Variants in TMEM14C observed in about 807,000 individuals in gnomAD.
TMEM14C encodes the protein transmembrane protein 14C.
In TMEM14C, 13 loss-of-function variants were observed where a neutral mutation model predicts 14.8. The ratio of observed to expected loss-of-function variants is 0.88; its 90% CI spans 0.57 to 1.40. The LOEUF is 1.40. Ranked by LOEUF, TMEM14C falls within the 40% of genes most tolerant of loss-of-function variation. The pLI is 0.00. For missense variants in TMEM14C, 142 were observed against 138.8 expected (o/e 1.02, Z -0.12); for synonymous variants, 57 against 51.3 (o/e 1.11, Z -0.48).
chr6:10,724,570 G>C lies in TMEM14C; in HGVS notation c.-44G>C. 1 of 1,610,542 alleles carries C rather than the reference G, an allele frequency of 6.2e-7. No homozygotes were observed. The highest frequency in any genetic ancestry group is 8.5e-7 in the Non-Finnish European group (1 of 1,177,752). On this transcript the variant is annotated splice_region_variant and 5_prime_UTR_variant, in exon 2 of 6. Coordinates refer to ENST00000229563, the MANE Select transcript of TMEM14C (RefSeq NM_016462.4). Reference sequence around the variant, plus strand: ...CTCTGATCCAGCTTGTTTTCTGCAGGTGCAGGCCTGGGGTAGTCTCCTGTC... The same window carrying C: ...CTCTGATCCAGCTTGTTTTCTGCAGCTGCAGGCCTGGGGTAGTCTCCTGTC...
intron 1 of TMEM14C, among the ~76,000 whole-genome samples, chr6:10,724,066 G>A (rs1770776792): frequency 6.6e-6 from 1 of 152,120 alleles, no homozygotes; most frequent in Non-Finnish European, 1.5e-5. Context: ...TCCTACTACT[G>A]CCCTCCTAAC....
At chr6:10,725,648 G>A (rs1008576584) in intron 3 of TMEM14C, among the ~76,000 whole-genome samples, 1 of 152,150 alleles carries the variant, frequency 6.6e-6, no homozygotes, top group Non-Finnish European at 1.5e-5. Flanking sequence ...CATCTAAGGA[G>A]GGAAGATGGC....
Position 10,725,146 on chromosome 6 carries a change from G to A in TMEM14C, c.97+109G>A, listed in dbSNP as rs1365069624. 1.1e-5 allele frequency: 15 copies of A among 1,365,570 alleles called. 1 individual carries two copies. In the South Asian group the frequency reaches 1.2e-4, roughly 11 times the overall value. The allele number at this position is 1,365,570 out of a possible 1,614,324, so 84.6% of individuals were successfully genotyped here. Reference sequence around the variant, plus strand: ...CTCATTTGAGTCAGGTTTGCTGTGGGTCCCCAAGCTGGAGTGCAGGCTTCC... The same window carrying A: ...CTCATTTGAGTCAGGTTTGCTGTGGATCCCCAAGCTGGAGTGCAGGCTTCC... On this transcript the variant is annotated intron_variant, in intron 3 of 5. Transcript: ENST00000229563.
intron 4 of TMEM14C, among the ~76,000 whole-genome samples, chr6:10,726,650 C>T (rs1379442972): frequency 6.6e-6 from 1 of 152,166 alleles, no homozygotes; most frequent in Non-Finnish European, 1.5e-5. Context: ...GAGATCACAC[C>T]ACTGCACTCC....
At chr6:10,730,332 A>G (rs558890814) in intron 5 of TMEM14C, among the ~76,000 whole-genome samples, 58 of 152,200 alleles carry the variant, frequency 3.8e-4, no homozygotes, top group Non-Finnish European at 7.2e-4. Context: ...CATTAATCAG[A>G]TCTGTGATGG....
chr6:10,730,777 C>G lies in TMEM14C; in HGVS notation c.*111C>G. 7.2e-7 allele frequency: 1 copy of G among 1,397,630 alleles called. No homozygotes were observed. Among genetic ancestry groups the G allele is most frequent in the East Asian group, 2.6e-5 (1 of 38,862 alleles). 86.6% of individuals were successfully genotyped at this position (1,397,630 alleles called of 1,614,324 possible). ...AGCATTTTTGCATCTGACATTTTAC[C>G]TAAAAAAAAAGACACCAAACTTGGC... is the stretch of plus-strand genomic sequence containing the variant. On this transcript the variant is annotated 3_prime_UTR_variant, in exon 6 of 6. Transcript: ENST00000229563.
At chr6:10,730,225 A>G (rs1770987307) in intron 5 of TMEM14C, among the ~76,000 whole-genome samples, 1 of 152,222 alleles carries the variant, frequency 6.6e-6, no homozygotes, top group Non-Finnish European at 1.5e-5. Context: ...CTCTGATCAT[A>G]GTTGTGATGC....
rs1193198273 is a variant in TMEM14C at position 10,724,609 on chromosome 6, G to A, written c.-5G>A. ...TAGTCTCCTGTCTGGACAGAGAAGA[G>A]AAAAATGCAGGACACTGGCTCAGTG... On this transcript the variant is annotated 5_prime_UTR_variant, in exon 2 of 6. Transcript: ENST00000229563. The A allele has an allele frequency of 6.2e-7, 1 of 1,612,780 alleles. No homozygotes were observed. Among genetic ancestry groups the A allele is most frequent in the African/African-American group, 1.3e-5 (1 of 74,912 alleles).
chr6:10,726,153 T>TA, intron 4 of TMEM14C, 145 bp downstream of exon 4: 1 of 866,194 alleles, frequency 1.2e-6, no homozygotes, highest in Non-Finnish European at 1.8e-6. Flanking sequence ...CAGAAAGTTT[T>TA]AAAATGAGGG....
At chr6:10,728,846 T>G in intron 5 of TMEM14C, 119 bp downstream of exon 5, 3 of 1,554,008 alleles carry the variant, frequency 1.9e-6, no homozygotes, top group Non-Finnish European at 2.6e-6. Context: ...CAACTGACAT[T>G]TGATATATAC....
rs778623374 is a variant in TMEM14C at position 10,728,832 on chromosome 6, G to A, written c.287+105G>A. On this transcript the variant is annotated intron_variant, in intron 5 of 5. Transcript: ENST00000229563. ...CTTGTTTCAGGATATCTGATGCTAT[G>A]TATCAACTGACATTTGATATATACA... The A allele has an allele frequency of 7.6e-6, 12 of 1,571,706 alleles. No homozygotes were observed. The South Asian group carries it at 1.3e-4, about 16-fold the overall frequency.
At position 10,724,966 on chromosome 6, in the gene TMEM14C, CT is replaced by C. The variant is rs1189860857; in HGVS notation, c.29del (p.Leu10CysfsTer21). The C allele has an allele frequency of 1.2e-6, 2 of 1,614,096 alleles. No homozygotes were observed. Among genetic ancestry groups the C allele is most frequent in the Non-Finnish European group, 1.7e-6 (2 of 1,180,050 alleles). ...TCTCCCTCTTGTGTTTTCAGAGTGC[CT>C]TTGCATTGGTTTGGCTTTGGCTACG... MQDTGSVV[P>X]LHWFGFGYAA... is the part of the protein sequence containing the mutation. On this transcript the variant is annotated frameshift_variant, in exon 3 of 6. Transcript: ENST00000229563. LOFTEE classifies it high-confidence loss of function.
intron 4 of TMEM14C, 118 bp from the exon 5 acceptor site, chr6:10,728,522 G>A: frequency 9.3e-7 from 1 of 1,079,620 alleles, no homozygotes; most frequent in Non-Finnish European, 1.3e-6. Flanking sequence ...TGGGGAAAGA[G>A]GAATAAGCAT....
intron 5 of TMEM14C, 83 bp from the exon 6 acceptor site, chr6:10,730,532 G>C: frequency 7.3e-7 from 1 of 1,376,200 alleles, no homozygotes; most frequent in Non-Finnish European, 1.0e-6. Context: ...CAGTTGTGAG[G>C]AACCAGCAGT....
intron 4 of TMEM14C, among the ~76,000 whole-genome samples, chr6:10,727,537 G>C (rs908292671): frequency 5.9e-5 from 9 of 151,968 alleles, no homozygotes; most frequent in Admixed American, 2.6e-4. Context: ...CAGGAGTTTC[G>C]CCATGTTGTC....
intron 5 of TMEM14C, among the ~76,000 whole-genome samples, chr6:10,729,280 C>T (rs1262098229): frequency 1.3e-5 from 2 of 152,084 alleles, no homozygotes; most frequent in African/African-American, 2.4e-5. Flanking sequence ...GGATTACAGG[C>T]GTGCACCACC....
At chr6:10,727,349 C>A (rs1027473352) in intron 4 of TMEM14C, among the ~76,000 whole-genome samples, 2 of 152,036 alleles carry the variant, frequency 1.3e-5, no homozygotes, top group Admixed American at 6.6e-5. Context: ...TCATAAACTT[C>A]CCTTTTTTTG....
In TMEM14C at chr6:10,724,458, C is replaced by T. The variant is rs932860367; in HGVS notation, c.-44-112C>T. The stretch of plus-strand genomic sequence containing the variant: ...CGGTACCAGTGTTATCCTCATGGTA[C>T]AGTGAAGAATACTGAGACTTAGGTT... On this transcript the variant is annotated intron_variant, in intron 1 of 5. Transcript: ENST00000229563. 1.6e-5 allele frequency: 11 copies of T among 687,966 alleles called. No homozygotes were observed. The African/African-American group carries it at 2.0e-4, about 12-fold the overall frequency. 42.6% of individuals were successfully genotyped at this position (687,966 alleles called of 1,614,324 possible). A position where few individuals can be genotyped will look rare whatever the true frequency, so the allele number is the denominator to read the frequency against.
At chr6:10,730,001 G>A (rs114554336) in intron 5 of TMEM14C, among the ~76,000 whole-genome samples, 486 of 152,288 alleles carry the variant, frequency 3.2e-3, no homozygotes, top group African/African-American at 0.011. Context: ...GGGACACTGA[G>A]TCAGGAAAAT....
Sources: allele counts gnomAD v4.1 joint callset (sites outside exome capture counted in the v4.1 genomes callset), GRCh38; gene constraint gnomAD v4.1.1; transcripts MANE v1.5; gene names NCBI Gene and HGNC (gene_info 2026-07-23, HGNC 2026-07-21).